LEF1: variants seen among roughly 807,000 people sequenced by gnomAD.
LEF1 encodes the protein lymphoid enhancer binding factor 1.
Under a neutral mutation model 51.2 loss-of-function variants are expected in LEF1, and 14 were observed. The observed-to-expected ratio is 0.27, with a 90% CI of 0.18 to 0.43. The LOEUF (loss-of-function observed/expected upper bound fraction) is 0.43. LEF1 is among the 20% of genes least tolerant of loss of function. The pLI is 1.00. For synonymous variants in LEF1, 185 were observed against 183.2 expected (o/e 1.01, Z -0.08); for missense variants, 386 against 512.0 (o/e 0.75, Z 2.37).
At chr4:108,078,086 T>C in intron 8 of LEF1, 134 bp downstream of exon 8, 2 of 846,784 alleles carry the variant, frequency 2.4e-6, no homozygotes, top group Non-Finnish European at 3.8e-6. Flanking sequence ...TCAAAATTCT[T>C]TAAAATGCAT....
At chr4:108,079,879 CTTTAT>C (rs1367207110) in intron 6 of LEF1, among the ~76,000 whole-genome samples, 2 of 151,920 alleles carry the variant, frequency 1.3e-5, no homozygotes, top group African/African-American at 4.8e-5. Flanking sequence ...AAATATAACA[CTTTAT>C]TTAAGACTTG....
chr4:108,054,820 A>C (rs1232888215), intron 11 of LEF1, among the ~76,000 whole-genome samples: 1 of 152,254 alleles, frequency 6.6e-6, no homozygotes, highest in Non-Finnish European at 1.5e-5. Flanking sequence ...AGAAAAATTT[A>C]GTGTAGAGAT....
chr4:108,126,042 T>C (rs934228023), intron 3 of LEF1, among the ~76,000 whole-genome samples: 1 of 152,180 alleles, frequency 6.6e-6, no homozygotes, highest in Non-Finnish European at 1.5e-5. Flanking sequence ...TTTACTTTTG[T>C]TGTTTATTTC....
rs562035027 is a variant in LEF1, at chr4:108,088,991, C to T, written c.547+134G>A. 257 of 949,746 alleles carry T rather than the reference C, an allele frequency of 2.7e-4. 2 individuals are homozygous for T. Among genetic ancestry groups the T allele is most frequent in the Admixed American group, 9.8e-4 (46 of 46,886 alleles). 58.8% of individuals were successfully genotyped at this position (949,746 alleles called of 1,614,324 possible). A position where few individuals can be genotyped will look rare whatever the true frequency, so the allele number is the denominator to read the frequency against. On this transcript the variant is annotated intron_variant, in intron 4 of 11. Transcript: ENST00000265165. ...CAAAGAATTGCTATCAAATGAATTACTCTTGTCTTGTAAAAACACATTCTG... is the reference window on the plus strand; with the variant it reads ...CAAAGAATTGCTATCAAATGAATTATTCTTGTCTTGTAAAAACACATTCTG...
At chr4:108,081,455 C>T (rs1739298185) in intron 6 of LEF1, 131 bp downstream of exon 6, 1 of 687,028 alleles carries the variant, frequency 1.5e-6, no homozygotes, top group Non-Finnish European at 2.6e-6. Context: ...GAGCCAGGCA[C>T]ACTGCACAGA....
At chr4:108,110,166 T>C (rs913073120) in intron 3 of LEF1, among the ~76,000 whole-genome samples, 1 of 152,208 alleles carries the variant, frequency 6.6e-6, no homozygotes, top group Non-Finnish European at 1.5e-5. Context: ...AGTAGAAAAT[T>C]AACATTCTCC....
intron 1 of LEF1, chr4:108,166,314 A>G (rs1745390138): frequency 2.6e-6 from 4 of 1,532,424 alleles, no homozygotes; most frequent in Non-Finnish European, 3.5e-6. Flanking sequence ...GGTGTTCTTA[A>G]ACGCGCTGTT....
At position 108,083,458 on chromosome 4, in the gene LEF1, A is replaced by C; in HGVS notation, c.548-12T>G. 1 of 1,540,428 alleles carries C rather than the reference A, an allele frequency of 6.5e-7. No individual in the cohort carries two copies. Among genetic ancestry groups the C allele is most frequent in the Non-Finnish European group, 8.9e-7 (1 of 1,119,456 alleles). ...ATGTCTGGACATGCCTGTTAAACAGAACAGAGAGGTATCATTTACAGATTC... is the reference window on the plus strand; with the variant it reads ...ATGTCTGGACATGCCTGTTAAACAGCACAGAGAGGTATCATTTACAGATTC... On this transcript the variant is annotated splice_polypyrimidine_tract_variant and intron_variant, in intron 4 of 11. Coordinates refer to ENST00000265165, the MANE Select transcript of LEF1 (RefSeq NM_016269.5).
At chr4:108,144,418 C>G (rs982832700) in intron 3 of LEF1, among the ~76,000 whole-genome samples, 1 of 152,154 alleles carries the variant, frequency 6.6e-6, no homozygotes, top group Non-Finnish European at 1.5e-5. Flanking sequence ...AACAGCTTAT[C>G]AAGCAGATCC....
At chr4:108,149,460 A>AAAAAACAAAAAG (rs1744218081) in intron 3 of LEF1, among the ~76,000 whole-genome samples, 1 of 141,956 alleles carries the variant, frequency 7.0e-6, no homozygotes, top group African/African-American at 2.6e-5. Context: ...CTCCGTCTCA[A>AAAAAACAAAAAG]AAAAAAAAAA....
intron 3 of LEF1, among the ~76,000 whole-genome samples, chr4:108,107,997 G>A (rs767968481): frequency 2.6e-5 from 4 of 152,250 alleles, no homozygotes; most frequent in Admixed American, 6.5e-5. Flanking sequence ...GTGCTAAAGC[G>A]GGCTAGAAAG....
intron 11 of LEF1, among the ~76,000 whole-genome samples, chr4:108,051,501 G>T (rs1435425378): frequency 3.2e-4 from 48 of 152,216 alleles, no homozygotes; most frequent in Non-Finnish European, 1.2e-4. Flanking sequence ...TTCACTGGGG[G>T]GCTGCGGCTG....
intron 3 of LEF1, among the ~76,000 whole-genome samples, chr4:108,130,520 G>C (rs1414616436): frequency 6.8e-6 from 1 of 147,718 alleles, no homozygotes; most frequent in East Asian, 2.0e-4. Context: ...AGGAGTTCAA[G>C]ACCAGCCTAG....
chr4:108,135,257 G>C (rs1214550300), intron 3 of LEF1, among the ~76,000 whole-genome samples: 3 of 152,134 alleles, frequency 2.0e-5, no homozygotes, highest in Non-Finnish European at 4.4e-5. Context: ...TCCTGTGGGG[G>C]GCCAGCTCAA....
chr4:108,142,193 C>T (rs1008714359), intron 3 of LEF1, among the ~76,000 whole-genome samples: 5 of 152,202 alleles, frequency 3.3e-5, no homozygotes, highest in African/African-American at 9.7e-5. Context: ...TGCTAAAGAC[C>T]TGTCCCGCGC....
At chr4:108,128,799 A>T (rs1742698066) in intron 3 of LEF1, among the ~76,000 whole-genome samples, 1 of 152,200 alleles carries the variant, frequency 6.6e-6, no homozygotes, top group Admixed American at 6.5e-5. Context: ...GTAAATCATG[A>T]GAAGAGTTCT....
intron 3 of LEF1, among the ~76,000 whole-genome samples, chr4:108,113,192 C>T (rs1741631955): frequency 6.6e-6 from 1 of 152,186 alleles, no homozygotes; most frequent in Non-Finnish European, 1.5e-5. Flanking sequence ...GCCAGTAAAT[C>T]TATTCAGATT....
At chr4:108,150,144 A>G (rs565895662) in intron 3 of LEF1, among the ~76,000 whole-genome samples, 1 of 152,268 alleles carries the variant, frequency 6.6e-6, no homozygotes, top group Admixed American at 6.5e-5. Context: ...TACCACAAAA[A>G]TCACCACTAA....
chr4:108,120,313 G>C (rs1225467864), intron 3 of LEF1, among the ~76,000 whole-genome samples: 1 of 152,124 alleles, frequency 6.6e-6, no homozygotes, highest in Non-Finnish European at 1.5e-5. Flanking sequence ...TTATGTGCAT[G>C]AGCTACTGTG....
Sources: allele counts gnomAD v4.1 joint callset (sites outside exome capture counted in the v4.1 genomes callset), GRCh38; gene constraint gnomAD v4.1.1; transcripts MANE v1.5; gene names NCBI Gene and HGNC (gene_info 2026-07-23, HGNC 2026-07-21).